The following DCC variants were observed in gnomAD, a reference collection of about 807,000 sequenced individuals.
DCC encodes the protein DCC netrin 1 receptor.
DCC carries 58 observed loss-of-function variants against 172.5 expected under a neutral mutation model. The ratio of observed to expected loss-of-function variants is 0.34; its 90% CI spans 0.27 to 0.42. DCC has a LOEUF of 0.42. Ranked by LOEUF, DCC falls within the 10% of genes least tolerant of loss-of-function variation. The pLI is 1.00. For synonymous variants in DCC, 709 were observed against 644.5 expected, an observed-to-expected ratio of 1.10 and a Z score of -1.52; for missense variants, 1,740 against 1,791.0, an observed-to-expected ratio of 0.97 and a Z score of 0.51.
chr18:53,047,883 C>A (rs971792733), intron 5 of DCC, among the ~76,000 whole-genome samples: 6 of 148,574 alleles, frequency 4.0e-5, no homozygotes, highest in African/African-American at 1.3e-4. Flanking sequence ...CTACTATTTT[C>A]TTTTGTGTTT....
intron 15 of DCC, among the ~76,000 whole-genome samples, chr18:53,384,172 T>C (rs1907972437): frequency 6.6e-6 from 1 of 152,156 alleles, no homozygotes; most frequent in Non-Finnish European, 1.5e-5. Context: ...GGAACAATAT[T>C]CCTGAGTACT....
In DCC at chr18:53,042,617, GA is replaced by G. The variant is rs1017388135; in HGVS notation, c.986-20679del. 7.5e-4 allele frequency among the ~76,000 whole-genome samples: 112 copies of G among 149,850 alleles called. 4 individuals are homozygous for G. Among genetic ancestry groups the G allele is most frequent in the Middle Eastern group, 3.4e-3 (1 of 292 alleles). ...ACAAAGAACTTAAGCAAATTTACAA[GA>G]AAAAAAAACCCTCTCAAAAAGTGGG... On this transcript the variant is annotated intron_variant, in intron 5 of 28. Transcript: ENST00000442544.
chr18:52,648,244 A>T (rs1218721315), intron 1 of DCC, among the ~76,000 whole-genome samples: 1 of 152,190 alleles, frequency 6.6e-6, no homozygotes. Context: ...GTAGCTTGAA[A>T]ACAGACTTGG....
intron 1 of DCC, among the ~76,000 whole-genome samples, chr18:52,511,078 G>T (rs1316510697): frequency 6.6e-6 from 1 of 152,014 alleles, no homozygotes; most frequent in Admixed American, 6.6e-5. Flanking sequence ...TCAGGAGATC[G>T]AAACTATCCT....
rs1598849130 is a variant in DCC, at chr18:52,832,901, C to T, written c.413-73143C>T. On this transcript the variant is annotated intron_variant, in intron 2 of 28. Coordinates refer to ENST00000442544, the MANE Select transcript of DCC (RefSeq NM_005215.4). ...TCCCCTCAAAGACAGATGGCAATTC[C>T]AGACATTACTAAATTTTTTTTTCCA... Among the ~76,000 whole-genome samples, 3 of 152,154 alleles carry T rather than the reference C, an allele frequency of 2.0e-5. No homozygotes were observed. The East Asian group carries it at 5.8e-4, about 29-fold the overall frequency.
rs112390463 is a variant in DCC, at chr18:52,359,346, T to C, written c.91+18468T>C. Among the ~76,000 whole-genome samples the C allele has an allele frequency of 8.9e-4, 136 of 152,322 alleles. 1 individual carries two copies. The highest frequency in any genetic ancestry group is 3.1e-3 in the African/African-American group (129 of 41,574). On this transcript the variant is annotated intron_variant, in intron 1 of 28. Transcript: ENST00000442544. Reference sequence around the variant, plus strand: ...GTACATATTGCTTAAGAAATACTTATTGCCCACCCATTTTTATATTTAATA... The same window carrying C: ...GTACATATTGCTTAAGAAATACTTACTGCCCACCCATTTTTATATTTAATA...
rs569345557 is a variant in DCC, at chr18:52,505,538, T to A, written c.91+164660T>A. 2.6e-5 allele frequency among the ~76,000 whole-genome samples: 4 copies of A among 152,334 alleles called. No homozygotes were observed. The South Asian group carries it at 8.3e-4, about 32-fold the overall frequency. ...CGGCACAAAAGAAGTTATATATATA[T>A]ACACACATACAATATCAGAGGAATT... On this transcript the variant is annotated intron_variant, in intron 1 of 28. Transcript: ENST00000442544.
chr18:52,772,999 G>A (rs1443264407), intron 2 of DCC, among the ~76,000 whole-genome samples: 2 of 152,162 alleles, frequency 1.3e-5, no homozygotes, highest in East Asian at 3.8e-4. Flanking sequence ...ATCCTTGATG[G>A]CAGATTGACT....
At chr18:53,495,499 TG>T (rs1439065939) in intron 26 of DCC, among the ~76,000 whole-genome samples, 1 of 152,194 alleles carries the variant, frequency 6.6e-6, no homozygotes, top group Non-Finnish European at 1.5e-5. Context: ...GATAGTCTGA[TG>T]GGCTTCCCTT....
At chr18:53,513,522 T>C (rs141846696) in intron 27 of DCC, among the ~76,000 whole-genome samples, 13,392 of 152,056 alleles carry the variant, frequency 0.088, 1,762 homozygotes, top group African/African-American at 0.29. Flanking sequence ...GAATGGCAAA[T>C]TGGATAAAGA....
In DCC at chr18:52,439,096, T is replaced by G. The variant is rs945561284; in HGVS notation, c.91+98218T>G. On this transcript the variant is annotated intron_variant, in intron 1 of 28. Transcript: ENST00000442544. Reference sequence around the variant, plus strand: ...AATTCGAAATTAATACACGTTTTCCTCCAGGTTTGGTTTATGAAAGTGCAG... The same window carrying G: ...AATTCGAAATTAATACACGTTTTCCGCCAGGTTTGGTTTATGAAAGTGCAG... Among the ~76,000 whole-genome samples, 10 of 152,064 alleles carry G rather than the reference T, an allele frequency of 6.6e-5. 1 individual carries two copies. The highest frequency in any genetic ancestry group is 1.2e-4 in the Non-Finnish European group (8 of 68,018).
intron 1 of DCC, among the ~76,000 whole-genome samples, chr18:52,526,503 G>T (rs981344600): frequency 6.6e-6 from 1 of 151,782 alleles, no homozygotes; most frequent in South Asian, 2.1e-4. Context: ...CACGAAATGG[G>T]CACTGATCTA....
At position 53,381,049 on chromosome 18, in the gene DCC, C is replaced by T. The variant is rs141275163; in HGVS notation, c.2360-4994C>T. On this transcript the variant is annotated intron_variant, in intron 15 of 28. Coordinates refer to ENST00000442544, the MANE Select transcript of DCC (RefSeq NM_005215.4). ...AGAAGCTGTCATTACTCAGATGACT[C>T]GAGATTTGGTAGGTATCAATATTAG... Among the ~76,000 whole-genome samples the T allele has an allele frequency of 7.7e-3, 914 of 117,942 alleles. 6 individuals are homozygous for T. The highest frequency in any genetic ancestry group is 0.013 in the Non-Finnish European group (649 of 50,712). The allele number at this position is 117,942 out of a possible 152,430, so 77.4% of individuals were successfully genotyped here.
At position 52,390,896 on chromosome 18, in the gene DCC, A is replaced by T. The variant is rs41458048; in HGVS notation, c.91+50018A>T. Reference sequence around the variant, plus strand: ...CTTATACATAGCGAACATTGAGTGTATTAGCACTTGGAGTTTATACAGCCT... The same window carrying T: ...CTTATACATAGCGAACATTGAGTGTTTTAGCACTTGGAGTTTATACAGCCT... On this transcript the variant is annotated intron_variant, in intron 1 of 28. Transcript: ENST00000442544. Among the ~76,000 whole-genome samples, 160 of 152,234 alleles carry T rather than the reference A, an allele frequency of 1.1e-3. 2 individuals carry two copies. In the East Asian group the frequency reaches 0.029, roughly 27 times the overall value.
chr18:53,064,428 A>T (rs1327643335), intron 6 of DCC, among the ~76,000 whole-genome samples: 1 of 152,164 alleles, frequency 6.6e-6, no homozygotes, highest in African/African-American at 2.4e-5. Flanking sequence ...CAGACATGAC[A>T]CTTTCAAAGA....
chr18:53,400,543 C>T (rs1048811825), intron 18 of DCC, among the ~76,000 whole-genome samples: 1 of 152,054 alleles, frequency 6.6e-6, no homozygotes, highest in Non-Finnish European at 1.5e-5. Context: ...AAGAGCAAGG[C>T]AGAGGAATTC....
intron 2 of DCC, among the ~76,000 whole-genome samples, chr18:52,788,917 C>T (rs1398956441): frequency 6.6e-6 from 1 of 152,076 alleles, no homozygotes; most frequent in Admixed American, 6.6e-5. Context: ...TGCAAGGCAA[C>T]CCAAATCCAT....
intron 7 of DCC, among the ~76,000 whole-genome samples, chr18:53,066,905 T>G (rs1177890627): frequency 6.6e-6 from 1 of 151,972 alleles, no homozygotes; most frequent in East Asian, 1.9e-4. Context: ...GGGCAGCAAG[T>G]GCATCTTATG....
At chr18:52,915,870 T>C (rs768201371) in intron 3 of DCC, among the ~76,000 whole-genome samples, 7 of 152,060 alleles carry the variant, frequency 4.6e-5, no homozygotes, top group Non-Finnish European at 8.8e-5. Flanking sequence ...TTCAGAAACA[T>C]GATTAATTTT....
Sources: allele counts gnomAD v4.1 joint callset (sites outside exome capture counted in the v4.1 genomes callset), GRCh38; gene constraint gnomAD v4.1.1; transcripts MANE v1.5; gene names NCBI Gene and HGNC (gene_info 2026-07-23, HGNC 2026-07-21).